SMARCE1: variants seen among roughly 807,000 people sequenced by gnomAD.
SMARCE1 encodes the protein SWI/SNF-related matrix-associated actin-dependent regulator of chromatin subfamily E member 1.
In SMARCE1, 13 loss-of-function variants were observed where a neutral mutation model predicts 54.9. The ratio of observed to expected loss-of-function variants is 0.24; its 90% confidence interval spans 0.15 to 0.38. The LOEUF is 0.38. Among genes scored for constraint, SMARCE1 ranks in the 10% least tolerant of loss-of-function variants. The probability of loss-of-function intolerance (pLI) is 1.00; values close to 1 mark genes in which losing one functional copy is unlikely to be tolerated. For missense variants in SMARCE1, 295 were observed against 523.8 expected (o/e 0.56, Z 4.26); for synonymous variants, 151 against 175.3 (o/e 0.86, Z 1.10).
At chr17:40,635,790 T>C in intron 7 of SMARCE1, 141 bp downstream of exon 7, 1 of 581,806 alleles carries the variant, frequency 1.7e-6, no homozygotes, top group Non-Finnish European at 2.7e-6. Context: ...TCTTACTCAA[T>C]ATAACCAAAA....
At chr17:40,646,447 T>C (rs1396101578) in intron 1 of SMARCE1, among the ~76,000 whole-genome samples, 4 of 152,208 alleles carry the variant, frequency 2.6e-5, no homozygotes, top group African/African-American at 9.7e-5. Flanking sequence ...AAAATTTTTC[T>C]CCTCAAGGGA....
In SMARCE1 at chr17:40,628,627, T is replaced by A; in HGVS notation, c.*158A>T. ...ACAACACTTAAGAAAGGTGACTGACTGAGCCATTAGGCTCATGATGCTAAA... is the reference window on the plus strand; with the variant it reads ...ACAACACTTAAGAAAGGTGACTGACAGAGCCATTAGGCTCATGATGCTAAA... On this transcript the variant is annotated 3_prime_UTR_variant, in exon 11 of 11. Transcript: ENST00000348513. The A allele has an allele frequency of 3.4e-6, 2 of 596,824 alleles. No homozygotes were observed. Among genetic ancestry groups the A allele is most frequent in the Non-Finnish European group, 6.0e-6 (2 of 335,502 alleles). The allele number at this position is 596,824 out of a possible 1,614,324, so 37.0% of individuals were successfully genotyped here.
In SMARCE1 at chr17:40,626,800, G is replaced by A. The variant is rs1359817799; in HGVS notation, c.*1985C>T. 4 of 134,572 alleles carry A rather than the reference G, an allele frequency of 3.0e-5. No individual in the cohort carries two copies. Among genetic ancestry groups the A allele is most frequent in the South Asian group, 4.7e-4 (2 of 4,258 alleles). 8.3% of individuals were successfully genotyped at this position (134,572 alleles called of 1,614,324 possible). ...AGGCAGAGAGAATTGCTTGAACCTG[G>A]GAGGTGGAGGTTGCAGTGAGCTGAG... is the stretch of plus-strand genomic sequence containing the variant. On this transcript the variant is annotated 3_prime_UTR_variant, in exon 11 of 11. Transcript: ENST00000348513.
At chr17:40,633,232 A>G (rs2037113480) in intron 7 of SMARCE1, 2 of 151,298 alleles carry the variant, frequency 1.3e-5, no homozygotes, top group South Asian at 4.2e-4. Context: ...GTGGTCTTGA[A>G]CTCCTGACCC....
rs1239097414 is a variant in SMARCE1, at chr17:40,626,130, G to A, written c.*2655C>T. On this transcript the variant is annotated 3_prime_UTR_variant, in exon 11 of 11. Transcript: ENST00000348513. ...TAATCCCAGCTACTCAGGAGGCTGA[G>A]GCAGGAGAATTGCTGAAACCCAGGA... 1 of 152,160 alleles carries A rather than the reference G, an allele frequency of 6.6e-6. No homozygotes were observed. The highest frequency in any genetic ancestry group is 1.5e-5 in the Non-Finnish European group (1 of 68,056). The allele number at this position is 152,160 out of a possible 1,614,324, so 9.4% of individuals were successfully genotyped here.
chr17:40,637,435 A>G (rs2037157671), intron 5 of SMARCE1, 57 bp downstream of exon 5: 1 of 1,326,902 alleles, frequency 7.5e-7, no homozygotes, highest in South Asian at 1.2e-5. Flanking sequence ...GTTGGATGTT[A>G]AGCAAAGAAG....
At chr17:40,645,133 A>G in intron 3 of SMARCE1, 1 of 211,112 alleles carries the variant, frequency 4.7e-6, no homozygotes, top group Non-Finnish European at 9.3e-6. Flanking sequence ...TACAATGAGT[A>G]GTTTCAGAAG....
intron 1 of SMARCE1, chr17:40,647,259 C>T (rs1190377092): frequency 6.6e-6 from 1 of 152,244 alleles, no homozygotes; most frequent in African/African-American, 2.4e-5. Flanking sequence ...ATATGTACAG[C>T]TATCCCCATT....
chr17:40,630,288 T>G, intron 10 of SMARCE1: 1 of 1,340,640 alleles, frequency 7.5e-7, no homozygotes. Flanking sequence ...AATTTTTTTC[T>G]GTAAAGAGCC....
intron 1 of SMARCE1, among the ~76,000 whole-genome samples, chr17:40,646,543 CT>C (rs1239524225): frequency 1.3e-5 from 2 of 152,018 alleles, no homozygotes; most frequent in Non-Finnish European, 2.9e-5. Flanking sequence ...ATTATTATAA[CT>C]TTTTTTTAAC....
At chr17:40,629,514 A>G in intron 10 of SMARCE1, 1 of 1,224,422 alleles carries the variant, frequency 8.2e-7, no homozygotes. Flanking sequence ...AGTTGTAGAA[A>G]TAATATAAGG....
intron 9 of SMARCE1, chr17:40,631,176 T>C (rs1294297349): frequency 7.3e-6 from 3 of 411,152 alleles, no homozygotes; most frequent in Non-Finnish European, 1.3e-5. Flanking sequence ...GGCAAAATAG[T>C]GAAAGTTCTG....
chr17:40,639,489 T>C (rs1376222542), intron 4 of SMARCE1, among the ~76,000 whole-genome samples: 6 of 152,206 alleles, frequency 3.9e-5, no homozygotes, highest in Non-Finnish European at 8.8e-5. Context: ...TAAAACACTT[T>C]AAAAACACAG....
chr17:40,631,097 T>C, intron 9 of SMARCE1, 173 bp from the exon 10 acceptor site: 1 of 578,082 alleles, frequency 1.7e-6, no homozygotes, highest in Non-Finnish European at 3.0e-6. Context: ...TCTGAAACTC[T>C]TGGGTCTACA....
chr17:40,633,171 G>C (rs1055209953), intron 7 of SMARCE1: 1 of 152,008 alleles, frequency 6.6e-6, no homozygotes, highest in Non-Finnish European at 1.5e-5. Context: ...CACCACGCCC[G>C]GCCAATTTTT....
intron 3 of SMARCE1, chr17:40,643,140 A>C (rs2037215938): frequency 6.6e-6 from 1 of 152,244 alleles, no homozygotes; most frequent in South Asian, 2.1e-4. Flanking sequence ...TGTCAATTGA[A>C]AAGAACATAT....
At chr17:40,636,282 G>A (rs1415525635) in intron 6 of SMARCE1, 113 bp downstream of exon 6, 1 of 1,225,164 alleles carries the variant, frequency 8.2e-7, no homozygotes, top group Non-Finnish European at 1.2e-6. Flanking sequence ...GGTAGACAGA[G>A]CCTCAGTACT....
At chr17:40,647,079 TC>T (rs2037265456) in intron 1 of SMARCE1, among the ~76,000 whole-genome samples, 2 of 114,802 alleles carry the variant, frequency 1.7e-5, no homozygotes, top group East Asian at 4.7e-4. Flanking sequence ...AAATTATTGC[TC>T]TCTTTTGCTA....
intron 8 of SMARCE1, 89 bp from the exon 9 acceptor site, chr17:40,631,782 T>G: frequency 2.7e-6 from 2 of 745,900 alleles, no homozygotes; most frequent in Admixed American, 4.5e-5. Context: ...TTTTGAACTT[T>G]AGATCATTTA....
Sources: gnomAD v4.1 joint callset for allele counts (sites outside exome capture counted in the v4.1 genomes callset) on GRCh38, gnomAD v4.1.1 for gene constraint, MANE v1.5 for transcripts, NCBI Gene and HGNC (gene_info 2026-07-23, HGNC 2026-07-21) for gene names.